Variants in ARHGEF7 observed in about 807,000 individuals in gnomAD.
ARHGEF7 encodes PAK-interacting exchange factor beta.
A neutral mutation model predicts 109.8 loss-of-function variants in ARHGEF7; 33 were observed. That is an observed-to-expected ratio of 0.30 (90% CI 0.23 to 0.40). The LOEUF is 0.40. Among genes scored for constraint, ARHGEF7 ranks in the 10% least tolerant of loss-of-function variants. The pLI is 1.00. For synonymous variants in ARHGEF7, 458 were observed against 424.6 expected (o/e 1.08, Z -0.97); for missense variants, 938 against 1,098.5 (o/e 0.85, Z 2.07).
intron 2 of ARHGEF7, among the ~76,000 whole-genome samples, chr13:111,166,298 G>C (rs1328010189): frequency 6.6e-6 from 1 of 152,202 alleles, no homozygotes; most frequent in Non-Finnish European, 1.5e-5. Flanking sequence ...GTGAGGCCAG[G>C]GAGTCGTGGG....
intron 11 of ARHGEF7, 110 bp downstream of exon 11, chr13:111,274,900 A>T: frequency 1.4e-6 from 1 of 713,242 alleles, no homozygotes; most frequent in South Asian, 4.8e-5. Context: ...TTGTGCTGAC[A>T]TGAAAGAAAA....
Position 111,300,730 on chromosome 13 carries a change from A to C in ARHGEF7, c.2312-18A>C. The stretch of plus-strand genomic sequence containing the variant: ...GGTATTCGCCTGAGGTTTATTTATT[A>C]TTTTTTCATGATCCTAGGTTCACGC... On this transcript the variant is annotated intron_variant, in intron 19 of 21. Coordinates refer to ENST00000646102, the MANE Select transcript of ARHGEF7 (RefSeq NM_001354046.2). The C allele has an allele frequency of 6.4e-7, 1 of 1,554,082 alleles. No individual in the cohort carries two copies. The highest frequency in any genetic ancestry group is 1.7e-4 in the Middle Eastern group (1 of 5,808).
At chr13:111,144,671 G>A (rs899477143) in intron 1 of ARHGEF7, 3 of 152,228 alleles carry the variant, frequency 2.0e-5, no homozygotes, top group African/African-American at 7.2e-5. Context: ...GTGAACTTAG[G>A]ATTTCAAACC....
chr13:111,163,088 C>T (rs1450736050), intron 2 of ARHGEF7, among the ~76,000 whole-genome samples: 2 of 152,190 alleles, frequency 1.3e-5, no homozygotes, highest in Non-Finnish European at 2.9e-5. Flanking sequence ...CGGTTGGTCA[C>T]AACATAGTGT....
intron 16 of ARHGEF7, among the ~76,000 whole-genome samples, chr13:111,284,938 G>A (rs1195917380): frequency 2.0e-5 from 3 of 152,264 alleles, no homozygotes; most frequent in South Asian, 2.1e-4. Flanking sequence ...AATTAGGGAA[G>A]CCATGAGCAC....
intron 2 of ARHGEF7, among the ~76,000 whole-genome samples, chr13:111,169,641 C>T (rs915615494): frequency 2.0e-5 from 3 of 152,188 alleles, no homozygotes; most frequent in African/African-American, 4.8e-5. Flanking sequence ...CTGGTCCTTG[C>T]GTTGGTAACC....
At chr13:111,235,982 G>T (rs184765075) in intron 6 of ARHGEF7, among the ~76,000 whole-genome samples, 2 of 152,152 alleles carry the variant, frequency 1.3e-5, no homozygotes, top group Non-Finnish European at 2.9e-5. Flanking sequence ...TATTCCATGC[G>T]AAAGTACCAA....
intron 2 of ARHGEF7, among the ~76,000 whole-genome samples, chr13:111,154,655 T>A (rs1161224132): frequency 6.6e-6 from 1 of 152,234 alleles, no homozygotes; most frequent in Admixed American, 6.5e-5. Flanking sequence ...GTTGTGTCAC[T>A]TTACTAAACA....
intron 2 of ARHGEF7, among the ~76,000 whole-genome samples, chr13:111,170,880 T>A (rs1697712637): frequency 2.0e-5 from 3 of 152,210 alleles, no homozygotes; most frequent in Admixed American, 1.3e-4. Context: ...TAACAGATAA[T>A]CAGTCTCAGT....
intron 2 of ARHGEF7, among the ~76,000 whole-genome samples, chr13:111,166,178 T>C (rs1354937200): frequency 6.6e-6 from 1 of 152,218 alleles, no homozygotes; most frequent in African/African-American, 2.4e-5. Flanking sequence ...CCAGACTGTT[T>C]TTTTCTGAAA....
At chr13:111,186,258 C>A (rs755619324) in intron 2 of ARHGEF7, among the ~76,000 whole-genome samples, 2 of 152,196 alleles carry the variant, frequency 1.3e-5, no homozygotes, top group African/African-American at 4.8e-5. Context: ...CCTCTCACCC[C>A]TTCCTGGAAA....
intron 1 of ARHGEF7, chr13:111,122,565 G>C (rs1045503690): frequency 1.3e-5 from 2 of 152,220 alleles, no homozygotes; most frequent in Non-Finnish European, 2.9e-5. Flanking sequence ...GTCTCAAGGC[G>C]AGGCGGTGAG....
At chr13:111,195,424 T>TA (rs577866442) in intron 2 of ARHGEF7, among the ~76,000 whole-genome samples, 2 of 152,114 alleles carry the variant, frequency 1.3e-5, no homozygotes, top group South Asian at 2.1e-4. Flanking sequence ...GTGGGAGAAA[T>TA]ACCTGGTTAC....
At chr13:111,233,113 T>G in intron 5 of ARHGEF7, 92 bp from the exon 6 acceptor site, 1 of 1,066,320 alleles carries the variant, frequency 9.4e-7, no homozygotes, top group Non-Finnish European at 1.4e-6. Context: ...TCAGTGAGGC[T>G]GCTGGATGAG....
intron 8 of ARHGEF7, among the ~76,000 whole-genome samples, chr13:111,257,438 G>A (rs184672341): frequency 1.2e-3 from 183 of 152,326 alleles, no homozygotes; most frequent in Non-Finnish European, 1.9e-3. Context: ...AGTATTTAAT[G>A]TAATTGTTAT....
rs533400500 is a variant in ARHGEF7 at position 111,117,895 on chromosome 13, C to T, written c.165+2204C>T. 2.6e-5 allele frequency among the ~76,000 whole-genome samples: 4 copies of T among 152,334 alleles called. No homozygotes were observed. In the South Asian group the frequency reaches 8.3e-4, roughly 32 times the overall value. On this transcript the variant is annotated intron_variant, in intron 1 of 21. Transcript: ENST00000646102. ...GGGTTTTTGGTGTTTTCATGCTTAC[C>T]AGATAATCTATGCCACAAAGCACAC...
At chr13:111,268,242 G>T (rs1435732917) in intron 9 of ARHGEF7, among the ~76,000 whole-genome samples, 2 of 152,220 alleles carry the variant, frequency 1.3e-5, no homozygotes, top group African/African-American at 2.4e-5. Flanking sequence ...TCAGTCATTA[G>T]TGAGTGTTAA....
chr13:111,293,436 T>TAAA (rs11319592), intron 19 of ARHGEF7: 3 of 911,616 alleles, frequency 3.3e-6, no homozygotes, highest in South Asian at 1.0e-4. Context: ...CTCACTTATT[T>TAAA]AAAAAAAAAA....
At position 111,243,919 on chromosome 13, in the gene ARHGEF7, T is replaced by C; in HGVS notation, c.807T>C (p.Leu269=). The change falls in exon 7 of 22, where the codon CTT becomes CTC. Residue 269 remains leucine (L), a synonymous_variant. Transcript: ENST00000646102. ...CAGAAAATGAATATTCTAAAGAACT[T>C]CAGACTGTGCTTTCAACGTACCTAC... ...LETENEYSKE[L]QTVLSTYLRP... is the part of the protein sequence containing the mutation. The C allele has an allele frequency of 6.2e-7, 1 of 1,613,444 alleles. No homozygotes were observed. Among genetic ancestry groups the C allele is most frequent in the Non-Finnish European group, 8.5e-7 (1 of 1,179,530 alleles).
Sources: gnomAD v4.1 joint callset for allele counts (sites outside exome capture counted in the v4.1 genomes callset) on GRCh38, gnomAD v4.1.1 for gene constraint, MANE v1.5 for transcripts, NCBI Gene and HGNC (gene_info 2026-07-23, HGNC 2026-07-21) for gene names.